The following EYS variants were observed in gnomAD, a reference collection of about 807,000 sequenced individuals.
The protein encoded by EYS is protein eyes shut homolog.
Under a neutral mutation model 282.1 loss-of-function variants are expected in EYS, and 250 were observed. The ratio of observed to expected loss-of-function variants is 0.89; its 90% CI spans 0.80 to 0.98. EYS has a LOEUF of 0.98. Ranked by LOEUF, EYS falls within the 50% of genes least tolerant of loss-of-function variation. EYS has a pLI of 0.00. For synonymous variants in EYS, 1,355 were observed against 1,282.9 expected, an observed-to-expected ratio of 1.06 and a Z score of -1.20; for missense variants, 4,016 against 3,709.0, an observed-to-expected ratio of 1.08 and a Z score of -2.15.
intron 15 of EYS, among the ~76,000 whole-genome samples, chr6:64,944,589 T>C (rs1403113125): frequency 6.6e-6 from 1 of 152,036 alleles, no homozygotes; most frequent in African/African-American, 2.4e-5. Context: ...TAGTCTGAAA[T>C]ATGGCCTCCT....
At chr6:65,310,695 A>C (rs927403957) in intron 11 of EYS, among the ~76,000 whole-genome samples, 11 of 152,044 alleles carry the variant, frequency 7.2e-5, no homozygotes, top group Admixed American at 2.6e-4. Flanking sequence ...TCATTTGCTA[A>C]GCACATTTCT....
rs947981272 is a variant in EYS, at chr6:64,567,106, A to G, written c.5644+23117T>C. ...CTAATCTTTCAAGATATTTTTAAAA[A>G]TACACTTCAGTGTAACCCTTATTTT... On this transcript the variant is annotated intron_variant, in intron 26 of 42. Transcript: ENST00000503581. 4.6e-5 allele frequency among the ~76,000 whole-genome samples: 7 copies of G among 152,276 alleles called. No homozygotes were observed. The East Asian group carries it at 7.7e-4, about 17-fold the overall frequency.
At chr6:65,081,435 T>C (rs2150171719) in intron 12 of EYS, among the ~76,000 whole-genome samples, 1 of 152,218 alleles carries the variant, frequency 6.6e-6, no homozygotes. Flanking sequence ...CATTATTTGA[T>C]ATTTTATTGT....
At chr6:63,883,056 A>G (rs1773175822) in intron 35 of EYS, among the ~76,000 whole-genome samples, 1 of 152,220 alleles carries the variant, frequency 6.6e-6, no homozygotes, top group South Asian at 2.1e-4. Flanking sequence ...CCAAATATAT[A>G]TTATAACATA....
At chr6:64,084,856 C>A in intron 31 of EYS, among the ~76,000 whole-genome samples, 1 of 152,134 alleles carries the variant, frequency 6.6e-6, no homozygotes, top group Non-Finnish European at 1.5e-5. Context: ...ACTTAACAAG[C>A]AGCATTTGGG....
chr6:65,476,769 G>T (rs571964190), intron 5 of EYS, among the ~76,000 whole-genome samples: 2 of 152,116 alleles, frequency 1.3e-5, no homozygotes, highest in East Asian at 1.9e-4. Context: ...TAGAGACGGG[G>T]TTTCACCATG....
intron 35 of EYS, among the ~76,000 whole-genome samples, chr6:63,885,656 C>G (rs567776145): frequency 3.7e-4 from 57 of 152,210 alleles, no homozygotes; most frequent in African/African-American, 1.3e-3. Flanking sequence ...AAATACAGAT[C>G]TATAGTTCTC....
intron 18 of EYS, among the ~76,000 whole-genome samples, chr6:64,893,898 T>C (rs1767370237): frequency 6.6e-6 from 1 of 152,134 alleles, no homozygotes; most frequent in Admixed American, 6.5e-5. Flanking sequence ...TGTACACACA[T>C]TTCATACACA....
chr6:63,834,879 A>T (rs923541182), intron 36 of EYS, among the ~76,000 whole-genome samples: 2 of 151,978 alleles, frequency 1.3e-5, no homozygotes, highest in Non-Finnish European at 2.9e-5. Context: ...GCCATAAAAA[A>T]GGATGAGTTC....
rs373368263 is a variant in EYS, at chr6:65,631,969, C to T, written c.-333+7809G>A. 1.6e-3 allele frequency among the ~76,000 whole-genome samples: 245 copies of T among 152,276 alleles called. 1 individual carries two copies. Among genetic ancestry groups the T allele is most frequent in the African/African-American group, 5.6e-3 (234 of 41,564 alleles). On this transcript the variant is annotated intron_variant, in intron 2 of 42. Transcript: ENST00000503581. ...TTCTCACATCACTCTAATTCTCTTA[C>T]AACTTCTCCTACTTTATATATGAGG... is the stretch of plus-strand genomic sequence containing the variant.
At position 64,390,647 on chromosome 6, in the gene EYS, A is replaced by T. The variant is rs1446745659; in HGVS notation, c.5928-1807T>A. 4.0e-5 allele frequency among the ~76,000 whole-genome samples: 6 copies of T among 150,154 alleles called. No homozygotes were observed. In the South Asian group the frequency reaches 6.3e-4, roughly 16 times the overall value. On this transcript the variant is annotated intron_variant, in intron 28 of 42. Coordinates refer to ENST00000503581, the MANE Select transcript of EYS (RefSeq NM_001142800.2). ...GTACATCACCATCATCAAAGACCAA[A>T]AGTAGATAAAACCACAAAGATGGGG...
intron 14 of EYS, among the ~76,000 whole-genome samples, chr6:64,968,790 T>C (rs9345574): frequency 0.068 from 10,282 of 151,942 alleles, 439 homozygotes; most frequent in East Asian, 0.13. Flanking sequence ...CTTCCCAGAC[T>C]GTTGGCAGTT....
intron 13 of EYS, among the ~76,000 whole-genome samples, chr6:65,050,624 A>G (rs1773242881): frequency 1.3e-5 from 2 of 151,734 alleles, no homozygotes; most frequent in East Asian, 1.9e-4. Flanking sequence ...AAAATATTTT[A>G]TACTCCAAGA....
chr6:63,791,113 G>A (rs1436305105), intron 37 of EYS, among the ~76,000 whole-genome samples: 1 of 152,064 alleles, frequency 6.6e-6, no homozygotes, highest in East Asian at 1.9e-4. Context: ...AGAGGGTTAG[G>A]AAAGCAAAAA....
intron 1 of EYS, among the ~76,000 whole-genome samples, chr6:65,655,392 T>C (rs1767785678): frequency 6.6e-6 from 1 of 151,714 alleles, no homozygotes; most frequent in Non-Finnish European, 1.5e-5. Context: ...TTAATCAAGG[T>C]TAACATCATT....
At chr6:65,642,998 C>T (rs1292687422) in intron 1 of EYS, among the ~76,000 whole-genome samples, 1 of 152,178 alleles carries the variant, frequency 6.6e-6, no homozygotes, top group Non-Finnish European at 1.5e-5. Context: ...CAAGAACTAC[C>T]ACAGGAAAAT....
chr6:64,526,855 T>A (rs1034069041), intron 26 of EYS, among the ~76,000 whole-genome samples: 7 of 151,818 alleles, frequency 4.6e-5, no homozygotes, highest in African/African-American at 1.7e-4. Context: ...CACTATTTAT[T>A]AGTAAAGATT....
chr6:65,126,502 G>T (rs1364195771), intron 12 of EYS, among the ~76,000 whole-genome samples: 1 of 152,030 alleles, frequency 6.6e-6, no homozygotes, highest in East Asian at 1.9e-4. Context: ...TAGTTTTTAA[G>T]TGCCAGTTAA....
rs536886950 is a variant in EYS, at chr6:64,194,347, T to G, written c.6424+36245A>C. 2.6e-5 allele frequency among the ~76,000 whole-genome samples: 4 copies of G among 152,340 alleles called. No individual in the cohort carries two copies. In the South Asian group the frequency reaches 8.3e-4, roughly 32 times the overall value. The stretch of plus-strand genomic sequence containing the variant: ...TACCTTCTCAAGTGGAATGCATAGG[T>G]AAGTAACTTTAAAATTTTATCTTTA... On this transcript the variant is annotated intron_variant, in intron 31 of 42. Transcript: ENST00000503581.
Sources: allele counts gnomAD v4.1 joint callset (sites outside exome capture counted in the v4.1 genomes callset), GRCh38; gene constraint gnomAD v4.1.1; transcripts MANE v1.5; gene names NCBI Gene and HGNC (gene_info 2026-07-23, HGNC 2026-07-21).